PHF21B: variants seen among roughly 807,000 people sequenced by gnomAD.
PHF21B encodes the protein PHD finger protein 4.
PHF21B carries 22 observed loss-of-function variants against 62.2 expected under a neutral mutation model. The observed-to-expected ratio is 0.35, with a 90% CI of 0.25 to 0.51. The LOEUF (loss-of-function observed/expected upper bound fraction) is 0.51. Among genes scored for constraint, PHF21B ranks in the 20% least tolerant of loss-of-function variants. The pLI, the probability that PHF21B is intolerant of heterozygous loss-of-function variation, is 0.97. For synonymous variants in PHF21B, 341 were observed against 314.7 expected, an observed-to-expected ratio of 1.08 and a Z score of -0.88; for missense variants, 701 against 707.9, an observed-to-expected ratio of 0.99 and a Z score of 0.11.
chr22:44,928,965 C>T (rs1363550842), intron 2 of PHF21B, among the ~76,000 whole-genome samples: 1 of 152,168 alleles, frequency 6.6e-6, no homozygotes, highest in Non-Finnish European at 1.5e-5. Flanking sequence ...GCTGGGGAGG[C>T]GAGAGGGGAG....
chr22:44,917,326 A>G (rs747245658), intron 3 of PHF21B, among the ~76,000 whole-genome samples: 2 of 152,144 alleles, frequency 1.3e-5, no homozygotes, highest in Non-Finnish European at 2.9e-5. Context: ...GGTTCGGAAG[A>G]AAGAAAATGC....
At chr22:44,910,562 G>A (rs573482819) in intron 5 of PHF21B, among the ~76,000 whole-genome samples, 151 of 151,804 alleles carry the variant, frequency 9.9e-4, no homozygotes, top group Middle Eastern at 3.4e-3. Context: ...GAGATCTGAT[G>A]GGTGTAAAAA....
chr22:44,964,880 C>G (rs950118251), intron 2 of PHF21B, among the ~76,000 whole-genome samples: 1 of 152,226 alleles, frequency 6.6e-6, no homozygotes, highest in Non-Finnish European at 1.5e-5. Context: ...GTGGACCAAA[C>G]CTGCTCTTGC....
At chr22:44,920,267 A>C in intron 3 of PHF21B, 131 bp downstream of exon 3, 2 of 523,558 alleles carry the variant, frequency 3.8e-6, no homozygotes, top group Non-Finnish European at 6.6e-6. Context: ...TAAGAGGGGA[A>C]GGTGCAGCTG....
chr22:44,899,666 CCTCTT>C (rs2071123711), intron 5 of PHF21B, among the ~76,000 whole-genome samples: 1 of 151,888 alleles, frequency 6.6e-6, no homozygotes, highest in African/African-American at 2.4e-5. Flanking sequence ...CCTTCCTTCT[CCTCTT>C]CTTCTGTCTT....
At chr22:44,919,799 A>G (rs1601599136) in intron 3 of PHF21B, among the ~76,000 whole-genome samples, 1 of 152,294 alleles carries the variant, frequency 6.6e-6, no homozygotes, top group East Asian at 1.9e-4. Flanking sequence ...CACAGCCACC[A>G]TTGGCTCAAC....
At chr22:44,942,896 G>A (rs2071986790) in intron 2 of PHF21B, among the ~76,000 whole-genome samples, 1 of 152,100 alleles carries the variant, frequency 6.6e-6, no homozygotes, top group Non-Finnish European at 1.5e-5. Context: ...ATTCCTGGGG[G>A]CCAGGGTGAA....
chr22:44,906,811 G>C (rs879302855), intron 5 of PHF21B, among the ~76,000 whole-genome samples: 1 of 152,212 alleles, frequency 6.6e-6, no homozygotes, highest in Non-Finnish European at 1.5e-5. Flanking sequence ...GAGAAGGAAG[G>C]GGAAGCACAG....
chr22:44,931,098 C>T (rs1023495606), intron 2 of PHF21B, among the ~76,000 whole-genome samples: 2 of 152,178 alleles, frequency 1.3e-5, no homozygotes, highest in African/African-American at 2.4e-5. Flanking sequence ...TCTGTTGCCC[C>T]AACTGCAGTG....
chr22:44,925,392 C>T (rs2071609184), intron 2 of PHF21B, among the ~76,000 whole-genome samples: 1 of 152,196 alleles, frequency 6.6e-6, no homozygotes, highest in African/African-American at 2.4e-5. Flanking sequence ...AATGACATGG[C>T]AGAGGGTCTC....
At chr22:44,910,612 C>T (rs1466427083) in intron 5 of PHF21B, among the ~76,000 whole-genome samples, 2 of 152,188 alleles carry the variant, frequency 1.3e-5, no homozygotes, top group Non-Finnish European at 1.5e-5. Context: ...TGCTTGCTGC[C>T]ATCCATGTAA....
At chr22:44,928,648 G>A (rs898811876) in intron 2 of PHF21B, among the ~76,000 whole-genome samples, 12 of 152,172 alleles carry the variant, frequency 7.9e-5, no homozygotes, top group African/African-American at 2.7e-4. Context: ...GACCTCAAAC[G>A]ATCTGCCCAC....
chr22:44,905,885 C>T (rs2071241026), intron 5 of PHF21B, among the ~76,000 whole-genome samples: 1 of 152,210 alleles, frequency 6.6e-6, no homozygotes, highest in South Asian at 2.1e-4. Flanking sequence ...ACCTCGGCCT[C>T]CCGAAGTGCT....
At chr22:44,953,546 C>T (rs566359465) in intron 2 of PHF21B, among the ~76,000 whole-genome samples, 10 of 152,224 alleles carry the variant, frequency 6.6e-5, no homozygotes, top group South Asian at 2.1e-4. Flanking sequence ...GATCTTTCAA[C>T]GCTGTGAACT....
chr22:44,993,913 G>A (rs1426539270), intron 2 of PHF21B, among the ~76,000 whole-genome samples: 1 of 152,210 alleles, frequency 6.6e-6, no homozygotes, highest in Non-Finnish European at 1.5e-5. Flanking sequence ...AGGAAATGAT[G>A]CACCCCAGCT....
chr22:44,966,243 G>A (rs774831748), intron 2 of PHF21B, among the ~76,000 whole-genome samples: 5 of 152,356 alleles, frequency 3.3e-5, no homozygotes, highest in African/African-American at 9.6e-5. Flanking sequence ...AGCCGGGGAC[G>A]TCCCCAACCA....
At chr22:44,994,864 TAAAA>T (rs2073094842) in intron 2 of PHF21B, among the ~76,000 whole-genome samples, 1 of 152,140 alleles carries the variant, frequency 6.6e-6, no homozygotes, top group African/African-American at 2.4e-5. Flanking sequence ...GAAGTCCAGA[TAAAA>T]ATACCCAAAC....
chr22:44,929,279 G>C (rs367558884), intron 2 of PHF21B, among the ~76,000 whole-genome samples: 1 of 152,162 alleles, frequency 6.6e-6, no homozygotes, highest in Non-Finnish European at 1.5e-5. Flanking sequence ...AGGAACGAAC[G>C]AGCTGGTTCC....
intron 2 of PHF21B, among the ~76,000 whole-genome samples, chr22:45,007,509 C>G (rs1178596790): frequency 2.9e-5 from 4 of 135,920 alleles, no homozygotes; most frequent in African/African-American, 1.1e-4. Flanking sequence ...GCCGGCATTC[C>G]GAAGGAAACG....
Sources: gnomAD v4.1 joint callset for allele counts (sites outside exome capture counted in the v4.1 genomes callset) on GRCh38, gnomAD v4.1.1 for gene constraint, MANE v1.5 for transcripts, NCBI Gene and HGNC (gene_info 2026-07-23, HGNC 2026-07-21) for gene names.